NAV2: variants seen among roughly 807,000 people sequenced by gnomAD.
The protein encoded by NAV2 is helicase, APC down-regulated 1.
NAV2 carries 54 observed loss-of-function variants against 223.2 expected under a neutral mutation model. The ratio of observed to expected loss-of-function variants is 0.24; its 90% CI spans 0.19 to 0.30. The LOEUF (loss-of-function observed/expected upper bound fraction) is 0.30, where lower values mean the gene tolerates loss of function less well. Among genes scored for constraint, NAV2 ranks in the 10% least tolerant of loss-of-function variants. The probability of loss-of-function intolerance (pLI) is 1.00; values close to 1 mark genes in which losing one functional copy is unlikely to be tolerated. For synonymous variants in NAV2, 1,279 were observed against 1,239.3 expected (o/e 1.03, Z -0.67); for missense variants, 2,806 against 3,147.5 (o/e 0.89, Z 2.60).
intron 3 of NAV2, among the ~76,000 whole-genome samples, chr11:19,861,317 G>A (rs947729472): frequency 6.6e-6 from 1 of 152,170 alleles, no homozygotes; most frequent in Non-Finnish European, 1.5e-5. Flanking sequence ...GGAGAGCTGT[G>A]CTTGAGAGGA....
intron 1 of NAV2, among the ~76,000 whole-genome samples, chr11:19,519,473 C>T (rs1289508317): frequency 6.6e-6 from 1 of 152,236 alleles, no homozygotes; most frequent in Non-Finnish European, 1.5e-5. Flanking sequence ...AAGTCCCTTG[C>T]TCAAGGCCAC....
chr11:19,629,351 C>A lies in NAV2; in HGVS notation c.76-203133C>A, dbSNP rs141001411. 6.0e-4 allele frequency among the ~76,000 whole-genome samples: 92 copies of A among 152,178 alleles called. 1 individual carries two copies. In the East Asian group the frequency reaches 0.016, roughly 26 times the overall value. On this transcript the variant is annotated intron_variant, in intron 1 of 37. Coordinates refer to the NAV2 transcript ENST00000360655. ...CCAAAGGGGCCCATTAGGCTCTTTC[C>A]TAGACTAATAATAATAATAAAGCTA...
chr11:20,000,800 G>A (rs932485602), intron 11 of NAV2, among the ~76,000 whole-genome samples: 1 of 152,140 alleles, frequency 6.6e-6, no homozygotes, highest in Non-Finnish European at 1.5e-5. Context: ...GAGCTGGGAC[G>A]AACGCTTCCT....
intron 4 of NAV2, among the ~76,000 whole-genome samples, chr11:19,875,013 C>T (rs531543299): frequency 5.3e-4 from 81 of 152,216 alleles, no homozygotes; most frequent in African/African-American, 1.9e-3. Flanking sequence ...CAAAATTAGC[C>T]GGGCGTGGTG....
chr11:19,781,688 C>T (rs1458015158), intron 1 of NAV2, among the ~76,000 whole-genome samples: 1 of 151,706 alleles, frequency 6.6e-6, no homozygotes, highest in Non-Finnish European at 1.5e-5. Context: ...TCCCAAAGGC[C>T]AGGATGCTGT....
At chr11:20,065,134 C>T (rs2058963522) in intron 20 of NAV2, among the ~76,000 whole-genome samples, 1 of 152,240 alleles carries the variant, frequency 6.6e-6, no homozygotes, top group Non-Finnish European at 1.5e-5. Flanking sequence ...CCGCCTAGCA[C>T]TGAGGTGTGG....
intron 36 of NAV2, chr11:20,114,277 C>G (rs542256042): frequency 5.1e-6 from 2 of 389,432 alleles, no homozygotes; most frequent in African/African-American, 2.0e-5. Context: ...CCCCAAAAGC[C>G]AGTTTTTCAA....
intron 1 of NAV2, among the ~76,000 whole-genome samples, chr11:19,499,012 C>T (rs958400401): frequency 2.0e-5 from 3 of 152,210 alleles, no homozygotes; most frequent in South Asian, 2.1e-4. Flanking sequence ...ATTAAGTCCA[C>T]GGTCAACATC....
At chr11:19,977,315 C>T (rs1241848535) in intron 10 of NAV2, among the ~76,000 whole-genome samples, 1 of 152,218 alleles carries the variant, frequency 6.6e-6, no homozygotes, top group African/African-American at 2.4e-5. Context: ...GTCCTGTTAC[C>T]ACAGGGAACC....
intron 1 of NAV2, among the ~76,000 whole-genome samples, chr11:19,662,060 G>A (rs1725581281): frequency 6.6e-6 from 1 of 152,134 alleles, no homozygotes; most frequent in South Asian, 2.1e-4. Flanking sequence ...AATGGGAAGT[G>A]GGGGTACAGC....
chr11:19,400,065 G>C (rs1849619378), intron 1 of NAV2, among the ~76,000 whole-genome samples: 1 of 152,182 alleles, frequency 6.6e-6, no homozygotes, highest in East Asian at 1.9e-4. Context: ...AAAGAGCAGA[G>C]TACATTTGGG....
At chr11:20,057,824 A>T (rs778145772) in intron 19 of NAV2, among the ~76,000 whole-genome samples, 9 of 152,262 alleles carry the variant, frequency 5.9e-5, no homozygotes, top group Non-Finnish European at 1.3e-4. Flanking sequence ...TCTGGAATCA[A>T]GCTGGCAGAC....
chr11:19,573,880 C>G (rs1238816500), intron 1 of NAV2, among the ~76,000 whole-genome samples: 1 of 152,136 alleles, frequency 6.6e-6, no homozygotes, highest in East Asian at 1.9e-4. Flanking sequence ...GTCAGGCGGC[C>G]CAAGTGCTTT....
At position 19,534,832 on chromosome 11, in the gene NAV2, A is replaced by T. The variant is rs527548463; in HGVS notation, c.75+183805A>T. Among the ~76,000 whole-genome samples, 5 of 152,328 alleles carry T rather than the reference A, an allele frequency of 3.3e-5. No individual in the cohort carries two copies. In the South Asian group the frequency reaches 1.0e-3, roughly 32 times the overall value. On this transcript the variant is annotated intron_variant, in intron 1 of 37. Transcript: ENST00000360655. ...GAGGCAATGTAGACTAGTAGTTAAG[A>T]TGTAAGCTTTGAAGTTAATTTCAGA... is the stretch of plus-strand genomic sequence containing the variant.
intron 1 of NAV2, among the ~76,000 whole-genome samples, chr11:19,625,591 A>T (rs1266082991): frequency 6.6e-6 from 1 of 152,186 alleles, no homozygotes; most frequent in African/African-American, 2.4e-5. Flanking sequence ...GCTGAATCAT[A>T]TGGTTGTTCT....
intron 6 of NAV2, among the ~76,000 whole-genome samples, chr11:19,929,563 A>T (rs2045125296): frequency 6.6e-6 from 1 of 152,196 alleles, no homozygotes; most frequent in African/African-American, 2.4e-5. Flanking sequence ...CGTAATGAGT[A>T]GCCTTGAAAT....
intron 1 of NAV2, among the ~76,000 whole-genome samples, chr11:19,372,096 G>A (rs1228550387): frequency 2.0e-5 from 3 of 152,076 alleles, no homozygotes; most frequent in Non-Finnish European, 2.9e-5. Flanking sequence ...CTGTATCACA[G>A]TTAATCCTCA....
intron 1 of NAV2, among the ~76,000 whole-genome samples, chr11:19,658,412 A>G (rs766379081): frequency 6.6e-6 from 1 of 152,196 alleles, no homozygotes; most frequent in Non-Finnish European, 1.5e-5. Flanking sequence ...TTAGGAGGCT[A>G]TGTGGTTTGT....
chr11:19,415,153 A>G (rs1233634327), intron 1 of NAV2, among the ~76,000 whole-genome samples: 1 of 152,226 alleles, frequency 6.6e-6, no homozygotes, highest in Non-Finnish European at 1.5e-5. Context: ...CAATGAATCC[A>G]GAAGCTGGTT....
Sources: allele counts gnomAD v4.1 joint callset (sites outside exome capture counted in the v4.1 genomes callset), GRCh38; gene constraint gnomAD v4.1.1; transcripts MANE v1.5; gene names NCBI Gene and HGNC (gene_info 2026-07-23, HGNC 2026-07-21).